Variants in CEP85L observed in about 807,000 individuals in gnomAD.
CEP85L encodes the protein centrosomal protein 85L.
CEP85L carries 60 observed loss-of-function variants against 100.3 expected under a neutral mutation model. The observed-to-expected ratio is 0.60, with a 90% CI of 0.49 to 0.74. The LOEUF is 0.74. CEP85L is among the 30% of genes least tolerant of loss of function. The probability of loss-of-function intolerance (pLI) is 0.00; values close to 1 mark genes in which losing one functional copy is unlikely to be tolerated. For synonymous variants in CEP85L, 319 were observed against 322.7 expected (o/e 0.99, Z 0.12); for missense variants, 973 against 936.2 (o/e 1.04, Z -0.51).
At chr6:118,694,412 C>T (rs1478902260) in intron 1 of CEP85L, among the ~76,000 whole-genome samples, 1 of 151,814 alleles carries the variant, frequency 6.6e-6, no homozygotes, top group African/African-American at 2.4e-5. Flanking sequence ...CATATTTTAC[C>T]AATTTAAAAT....
chr6:118,552,340 A>G (rs933624710), intron 3 of CEP85L, among the ~76,000 whole-genome samples: 48 of 152,122 alleles, frequency 3.2e-4, no homozygotes, highest in African/African-American at 1.0e-3. Context: ...TACTTAAAGT[A>G]TAGATGGAGA....
At chr6:118,614,222 C>G (rs1442192212) in intron 2 of CEP85L, among the ~76,000 whole-genome samples, 2 of 152,148 alleles carry the variant, frequency 1.3e-5, no homozygotes, top group African/African-American at 4.8e-5. Flanking sequence ...GAAGTGCCCT[C>G]AAATTGATAA....
intron 1 of CEP85L, among the ~76,000 whole-genome samples, chr6:118,683,945 C>T (rs562890116): frequency 6.6e-6 from 1 of 152,254 alleles, no homozygotes; most frequent in African/African-American, 2.4e-5. Context: ...TTTGCCTTGC[C>T]AAACTGACTT....
chr6:118,536,606 G>A (rs1777607659), intron 3 of CEP85L, among the ~76,000 whole-genome samples: 1 of 152,158 alleles, frequency 6.6e-6, no homozygotes, highest in South Asian at 2.1e-4. Flanking sequence ...ATGACAGAAT[G>A]CACTGTCGTG....
At chr6:118,510,247 GA>G (rs139762108) in intron 5 of CEP85L, among the ~76,000 whole-genome samples, 25,075 of 151,496 alleles carry the variant, frequency 0.17, 2,210 homozygotes, top group Non-Finnish European at 0.19. Context: ...CCTCATTGTA[GA>G]AAAAATTACA....
At chr6:118,482,968 G>A (rs1178406781) in intron 7 of CEP85L, among the ~76,000 whole-genome samples, 1 of 152,140 alleles carries the variant, frequency 6.6e-6, no homozygotes, top group East Asian at 1.9e-4. Flanking sequence ...TTGGGTTTGG[G>A]ATAAACGAGA....
chr6:118,615,300 C>T (rs1772956232), intron 2 of CEP85L, among the ~76,000 whole-genome samples: 1 of 151,998 alleles, frequency 6.6e-6, no homozygotes, highest in Admixed American at 6.6e-5. Flanking sequence ...GCTTATTTTT[C>T]TCTTTCTTCC....
At chr6:118,491,923 A>G (rs888612580) in intron 5 of CEP85L, 58 bp from the exon 6 acceptor site, 130 of 1,314,000 alleles carry the variant, frequency 9.9e-5, no homozygotes, top group Non-Finnish European at 1.3e-4. Flanking sequence ...AACAAATGTG[A>G]AGAAATTGGA....
chr6:118,566,243 C>T lies in CEP85L; in HGVS notation c.306G>A (p.Val102=). ...QSLITLPTAH[V]MPSNSSASIS... is the part of the protein sequence containing the mutation. ...TTGAAGCGCTGGAATTAGACGGCATCACATGGGCAGTAGGAAGAGTAATCA... is the reference window on the plus strand; with the variant it reads ...TTGAAGCGCTGGAATTAGACGGCATTACATGGGCAGTAGGAAGAGTAATCA... The change falls in exon 3 of 13, where the codon GTG becomes GTA. Residue 102 remains valine, a synonymous_variant. Coordinates refer to ENST00000368491, the MANE Select transcript of CEP85L (RefSeq NM_001042475.3). The T allele has an allele frequency of 6.2e-7, 1 of 1,614,030 alleles. No homozygotes were observed. The highest frequency in any genetic ancestry group is 8.5e-7 in the Non-Finnish European group (1 of 1,179,940).
At chr6:118,592,605 A>G (rs1035860754) in intron 2 of CEP85L, among the ~76,000 whole-genome samples, 1 of 152,176 alleles carries the variant, frequency 6.6e-6, no homozygotes, top group Non-Finnish European at 1.5e-5. Flanking sequence ...GACTGTTAAT[A>G]AAAAGCAGAA....
intron 2 of CEP85L, among the ~76,000 whole-genome samples, chr6:118,623,431 G>A (rs186784232): frequency 6.6e-6 from 1 of 152,212 alleles, no homozygotes; most frequent in East Asian, 1.9e-4. Flanking sequence ...TCCTATATTC[G>A]GACTTCCCCC....
intron 1 of CEP85L, among the ~76,000 whole-genome samples, chr6:118,708,010 T>C (rs1164467412): frequency 6.6e-6 from 1 of 152,060 alleles, no homozygotes; most frequent in Non-Finnish European, 1.5e-5. Flanking sequence ...CAGCATCTAC[T>C]AAAATTTAAA....
chr6:118,475,622 GGGATGAC>G (rs1773311800), intron 10 of CEP85L, among the ~76,000 whole-genome samples: 1 of 152,024 alleles, frequency 6.6e-6, no homozygotes, highest in African/African-American at 2.4e-5. Context: ...CCAAAGTGCT[GGGATGAC>G]AGGTGTGAGC....
At chr6:118,512,136 A>T (rs1022341132) in intron 4 of CEP85L, among the ~76,000 whole-genome samples, 1 of 152,152 alleles carries the variant, frequency 6.6e-6, no homozygotes, top group African/African-American at 2.4e-5. Context: ...GAGATAGGTA[A>T]CTAATGAGGT....
intron 3 of CEP85L, among the ~76,000 whole-genome samples, chr6:118,532,303 T>A (rs541858169): frequency 5.7e-4 from 87 of 151,862 alleles, no homozygotes; most frequent in African/African-American, 2.0e-3. Context: ...GAGCTAAACA[T>A]CGAATACACA....
At chr6:118,651,669 T>C (rs1775574549), upstream of CEP85L, 6 of 803,708 alleles carry the variant, frequency 7.5e-6, no homozygotes, top group Admixed American at 9.1e-5. Flanking sequence ...ACTTCAGGCG[T>C]GCGCGGCGCC....
chr6:118,595,609 GC>G lies in CEP85L; in HGVS notation c.233-29294del, dbSNP rs1158958065. Among the ~76,000 whole-genome samples the G allele has an allele frequency of 2.0e-5, 3 of 152,136 alleles. 1 individual carries two copies. The South Asian group carries it at 6.2e-4, about 32-fold the overall frequency. ...AAAGCTCCAGGTTAAAAAGGAAGAG[GC>G]AACCACCACCTCAAATATCTCCTAA... On this transcript the variant is annotated intron_variant, in intron 2 of 12. Transcript: ENST00000368491.
chr6:118,612,055 G>A (rs184746126), intron 2 of CEP85L, among the ~76,000 whole-genome samples: 10 of 152,144 alleles, frequency 6.6e-5, no homozygotes, highest in African/African-American at 1.9e-4. Context: ...AGTACCCACA[G>A]AACATACATC....
At chr6:118,690,917 G>A (rs1420157838) in intron 1 of CEP85L, among the ~76,000 whole-genome samples, 4 of 151,778 alleles carry the variant, frequency 2.6e-5, no homozygotes, top group African/African-American at 7.3e-5. Flanking sequence ...AGGATCACTT[G>A]AGCCTGGGAG....
Sources: gnomAD v4.1 joint callset for allele counts (sites outside exome capture counted in the v4.1 genomes callset) on GRCh38, gnomAD v4.1.1 for gene constraint, MANE v1.5 for transcripts, NCBI Gene and HGNC (gene_info 2026-07-23, HGNC 2026-07-21) for gene names.